DAB1: variants seen among roughly 807,000 people sequenced by gnomAD.
DAB1 encodes DAB adaptor protein 1.
DAB1 carries 15 observed loss-of-function variants against 64.6 expected under a neutral mutation model. The ratio of observed to expected loss-of-function variants is 0.23; its 90% CI spans 0.16 to 0.36. DAB1 has a LOEUF of 0.36. Ranked by LOEUF, DAB1 falls within the 10% of genes least tolerant of loss-of-function variation. DAB1 has a pLI of 1.00. For synonymous variants in DAB1, 235 were observed against 251.9 expected (o/e 0.93, Z 0.64); for missense variants, 596 against 706.7 (o/e 0.84, Z 1.78).
At chr1:58,484,958 A>C (rs1286952941) in intron 3 of DAB1, among the ~76,000 whole-genome samples, 1 of 152,130 alleles carries the variant, frequency 6.6e-6, no homozygotes. Flanking sequence ...ACTACTCTGC[A>C]TGATGCTATA....
chr1:58,377,647 A>C lies in DAB1; in HGVS notation n.258-34244T>G, dbSNP rs1298565688. Among the ~76,000 whole-genome samples the C allele has an allele frequency of 2.2e-5, 3 of 139,094 alleles. 1 individual carries two copies. Among genetic ancestry groups the C allele is most frequent in the Non-Finnish European group, 4.8e-5 (3 of 62,880 alleles). 91.3% of individuals were successfully genotyped at this position (139,094 alleles called of 152,430 possible). A position where few individuals can be genotyped will look rare whatever the true frequency, so the allele number is the denominator to read the frequency against. The stretch of plus-strand genomic sequence containing the variant: ...TCATTTCAACTTTGGTGAATCTGAC[A>C]ATTATGTGTCTTGGAGTTGCTCTTC... On this transcript the variant is annotated intron_variant and non_coding_transcript_variant, in intron 3 of 20. Coordinates refer to the DAB1 transcript ENST00000485760.
At chr1:58,434,026 G>A (rs1178891847) in intron 3 of DAB1, among the ~76,000 whole-genome samples, 1 of 152,064 alleles carries the variant, frequency 6.6e-6, no homozygotes, top group Non-Finnish European at 1.5e-5. Flanking sequence ...GTAGAGTATG[G>A]GCAAGTATAA....
At chr1:58,430,055 G>C (rs1246135058) in intron 3 of DAB1, among the ~76,000 whole-genome samples, 2 of 152,188 alleles carry the variant, frequency 1.3e-5, no homozygotes, top group Non-Finnish European at 2.9e-5. Flanking sequence ...TCCCATTCAA[G>C]AGGGATCCAC....
At chr1:57,737,405 C>T (rs1317220584) in intron 6 of DAB1, among the ~76,000 whole-genome samples, 1 of 152,212 alleles carries the variant, frequency 6.6e-6, no homozygotes, top group East Asian at 1.9e-4. Flanking sequence ...CCTTACTCTA[C>T]CACTATGGTG....
At position 57,052,910 on chromosome 1, in the gene DAB1, A is replaced by G. The variant is rs576906472; in HGVS notation, c.723+9974T>C. 4.3e-4 allele frequency among the ~76,000 whole-genome samples: 66 copies of G among 152,190 alleles called. 1 individual carries two copies. Among genetic ancestry groups the G allele is most frequent in the Non-Finnish European group, 8.2e-4 (56 of 68,040 alleles). ...ATTTAGCCCAGATGTTCACTCTCTC[A>G]TTATACTACCGTGCTCTTCCCCTTA... On this transcript the variant is annotated intron_variant, in intron 9 of 14. Coordinates refer to ENST00000371236, the MANE Select transcript of DAB1 (RefSeq NM_001365792.1).
intron 2 of DAB1, among the ~76,000 whole-genome samples, chr1:57,265,957 C>T (rs1383261558): frequency 6.6e-6 from 1 of 152,146 alleles, no homozygotes; most frequent in African/African-American, 2.4e-5. Flanking sequence ...TGCTTGATGC[C>T]AGAATTGCTG....
chr1:58,194,792 T>C (rs920968123), intron 4 of DAB1, among the ~76,000 whole-genome samples: 7 of 152,300 alleles, frequency 4.6e-5, no homozygotes, highest in African/African-American at 1.2e-4. Context: ...CATGGTGTTG[T>C]TGCAGACAGA....
intron 1 of DAB1, among the ~76,000 whole-genome samples, chr1:57,382,847 G>A (rs1460360329): frequency 6.6e-6 from 1 of 152,094 alleles, no homozygotes; most frequent in Non-Finnish European, 1.5e-5. Context: ...ATCTTCATAG[G>A]TTCCGAGGAT....
At chr1:57,159,873 A>C (rs911240878) in intron 2 of DAB1, among the ~76,000 whole-genome samples, 2 of 149,422 alleles carry the variant, frequency 1.3e-5, no homozygotes, top group Non-Finnish European at 2.9e-5. Context: ...AAAAAAAAAA[A>C]AAAAGGAAAA....
intron 4 of DAB1, among the ~76,000 whole-genome samples, chr1:58,183,318 T>G (rs1557685753): frequency 6.6e-6 from 1 of 152,038 alleles, no homozygotes; most frequent in Non-Finnish European, 1.5e-5. Context: ...AGGTCTCATA[T>G]TCAGCCATGG....
At chr1:57,394,715 C>A (rs1445776996) in intron 1 of DAB1, among the ~76,000 whole-genome samples, 8 of 152,132 alleles carry the variant, frequency 5.3e-5, no homozygotes, top group Non-Finnish European at 8.8e-5. Context: ...AAGACCAAAG[C>A]CAAATTTTTA....
At chr1:58,193,502 T>C (rs887814525) in intron 4 of DAB1, among the ~76,000 whole-genome samples, 2 of 152,244 alleles carry the variant, frequency 1.3e-5, no homozygotes, top group African/African-American at 4.8e-5. Flanking sequence ...TTTATCTTTT[T>C]TTATCCTCAC....
intron 3 of DAB1, 150 bp downstream of exon 3, chr1:57,145,140 T>C: frequency 2.6e-6 from 2 of 767,034 alleles, no homozygotes; most frequent in Non-Finnish European, 2.0e-6. Flanking sequence ...GATTGAAATA[T>C]CTTCCGAATG....
chr1:57,520,134 C>A (rs1180782051), intron 7 of DAB1, among the ~76,000 whole-genome samples: 2 of 152,224 alleles, frequency 1.3e-5, no homozygotes, highest in Non-Finnish European at 2.9e-5. Flanking sequence ...CACCTGTCAA[C>A]AGGATTTATG....
At chr1:57,826,337 T>C (rs1323625218) in exon 2 of DAB1, 1 of 152,194 alleles carries the variant, frequency 6.6e-6, no homozygotes, top group African/African-American at 2.4e-5. Flanking sequence ...TGACACAGCG[T>C]GAGCACTGCT....
chr1:57,117,450 A>G (rs970631476), intron 4 of DAB1, among the ~76,000 whole-genome samples: 1 of 152,242 alleles, frequency 6.6e-6, no homozygotes, highest in Non-Finnish European at 1.5e-5. Flanking sequence ...TAAGTCCCCA[A>G]GATCACAGAA....
chr1:58,382,011 T>C (rs1228583128), intron 3 of DAB1, among the ~76,000 whole-genome samples: 1 of 151,896 alleles, frequency 6.6e-6, no homozygotes, highest in African/African-American at 2.4e-5. Context: ...TAAAGAAAGG[T>C]CTAATAACTA....
chr1:57,622,465 G>A (rs1645871403), intron 7 of DAB1, among the ~76,000 whole-genome samples: 2 of 152,178 alleles, frequency 1.3e-5, no homozygotes, highest in Admixed American at 1.3e-4. Context: ...TACATAAAGT[G>A]CAGAAATAAT....
At chr1:57,649,361 A>G (rs553819881) in intron 7 of DAB1, among the ~76,000 whole-genome samples, 112 of 152,364 alleles carry the variant, frequency 7.4e-4, no homozygotes, top group African/African-American at 2.5e-3. Flanking sequence ...AAGAAAAGAC[A>G]AAAGAGAACC....
Sources: allele counts gnomAD v4.1 joint callset (sites outside exome capture counted in the v4.1 genomes callset), GRCh38; gene constraint gnomAD v4.1.1; transcripts MANE v1.5; gene names NCBI Gene and HGNC (gene_info 2026-07-23, HGNC 2026-07-21).